Variants in MTPN observed in about 807,000 individuals in gnomAD.
The protein encoded by MTPN is granule cell differentiation protein.
In MTPN, 2 loss-of-function variants were observed where a neutral mutation model predicts 13.5. The ratio of observed to expected loss-of-function variants is 0.15; its 90% CI spans 0.06 to 0.47. The LOEUF (loss-of-function observed/expected upper bound fraction) is 0.47, where lower values mean the gene tolerates loss of function less well. MTPN is among the 20% of genes least tolerant of loss of function. The pLI is 0.97. For missense variants in MTPN, 79 were observed against 137.9 expected, an observed-to-expected ratio of 0.57 and a Z score of 2.14; for synonymous variants, 46 against 51.7, an observed-to-expected ratio of 0.89 and a Z score of 0.48.
chr7:135,965,593 C>T (rs1168034593), intron 1 of MTPN, among the ~76,000 whole-genome samples: 1 of 152,014 alleles, frequency 6.6e-6, no homozygotes, highest in African/African-American at 2.4e-5. Flanking sequence ...ATGCACAAAA[C>T]TATCTTTACT....
chr7:135,947,034 G>C (rs1029106695), intron 3 of MTPN, among the ~76,000 whole-genome samples: 4 of 152,084 alleles, frequency 2.6e-5, no homozygotes, highest in Non-Finnish European at 5.9e-5. Flanking sequence ...TCTGGATTTG[G>C]TGAAAATACC....
intron 1 of MTPN, among the ~76,000 whole-genome samples, chr7:135,963,888 C>T (rs1026959061): frequency 3.3e-5 from 5 of 151,796 alleles, no homozygotes; most frequent in African/African-American, 4.8e-5. Context: ...CATTTTTCTT[C>T]TTTGGAAGGT....
rs192545333 is a variant in MTPN, at chr7:135,953,864, A to G, written c.73-2234T>C. Among the ~76,000 whole-genome samples, 166 of 152,336 alleles carry G rather than the reference A, an allele frequency of 1.1e-3. 1 individual carries two copies. Among genetic ancestry groups the G allele is most frequent in the Non-Finnish European group, 1.7e-3 (119 of 68,020 alleles). ...GACTACTTCAATAATTCAAAGCAAT[A>G]ATTTCTAAATGATTGTTTACTTAAG... On this transcript the variant is annotated intron_variant, in intron 1 of 3. Coordinates refer to ENST00000393085, the MANE Select transcript of MTPN (RefSeq NM_145808.4).
chr7:135,954,045 C>T (rs1408940859), intron 1 of MTPN, among the ~76,000 whole-genome samples: 1 of 152,088 alleles, frequency 6.6e-6, no homozygotes, highest in African/African-American at 2.4e-5. Flanking sequence ...GTTAGCACTC[C>T]AACTCTACCA....
intron 1 of MTPN, among the ~76,000 whole-genome samples, chr7:135,956,118 C>T (rs554097266): frequency 1.7e-4 from 26 of 152,240 alleles, no homozygotes; most frequent in African/African-American, 5.5e-4. Flanking sequence ...ATCTGCAGAT[C>T]CCATGGTTAG....
At chr7:135,950,153 G>A (rs1346067295) in intron 3 of MTPN, among the ~76,000 whole-genome samples, 2 of 152,170 alleles carry the variant, frequency 1.3e-5, no homozygotes, top group Admixed American at 6.5e-5. Context: ...CAGATAACTT[G>A]GAGAGTCCTT....
intron 1 of MTPN, among the ~76,000 whole-genome samples, chr7:135,960,248 G>A (rs560079000): frequency 6.6e-4 from 100 of 152,230 alleles, no homozygotes; most frequent in Middle Eastern, 6.8e-3. Context: ...GGAGATGTAA[G>A]GGGTCTAATC....
intron 1 of MTPN, among the ~76,000 whole-genome samples, chr7:135,968,727 G>GA (rs35463488): frequency 3.1e-3 from 298 of 95,942 alleles, no homozygotes; most frequent in Middle Eastern, 0.013. Context: ...CAGCATTCCA[G>GA]AAAAAAAAAA....
At chr7:135,950,360 GT>G (rs1562932330) in intron 3 of MTPN, among the ~76,000 whole-genome samples, 1 of 152,152 alleles carries the variant, frequency 6.6e-6, no homozygotes, top group East Asian at 1.9e-4. Context: ...GTGTGTGTGT[GT>G]GTAAAATATT....
intron 1 of MTPN, 32 bp downstream of exon 1, chr7:135,976,997 T>A: frequency 6.7e-7 from 1 of 1,494,108 alleles, no homozygotes; most frequent in Non-Finnish European, 9.1e-7. Flanking sequence ...CCCACCTCCG[T>A]GTTCTCGCCT....
chr7:135,938,315 C>G (rs569177449), intron 3 of MTPN, among the ~76,000 whole-genome samples: 1 of 152,256 alleles, frequency 6.6e-6, no homozygotes, highest in South Asian at 2.1e-4. Flanking sequence ...GGAATATAAC[C>G]AATTACTTCA....
At chr7:135,940,556 T>C (rs1261416034) in intron 3 of MTPN, among the ~76,000 whole-genome samples, 1 of 152,190 alleles carries the variant, frequency 6.6e-6, no homozygotes, top group Non-Finnish European at 1.5e-5. Context: ...TCCCCTGAAG[T>C]GGACATTGTT....
intron 1 of MTPN, among the ~76,000 whole-genome samples, chr7:135,972,285 G>A (rs1055085006): frequency 6.6e-6 from 1 of 151,194 alleles, no homozygotes; most frequent in African/African-American, 2.4e-5. Flanking sequence ...GACAGTTCTG[G>A]GTTTAAAATC....
Position 135,930,217 on chromosome 7 carries a change from A to T in MTPN, c.271-205T>A, listed in dbSNP as rs3734978. Among the ~76,000 whole-genome samples the T allele has an allele frequency of 4.4e-4, 67 of 152,362 alleles. 1 individual carries two copies. In the East Asian group the frequency reaches 0.012, roughly 28 times the overall value. On this transcript the variant is annotated intron_variant, in intron 3 of 3. Transcript: ENST00000393085. ...ATGCCACATTATTTTTCAGGCACTAAGAATTGTAACCCAGGCAATCACTGG... is the reference window on the plus strand; with the variant it reads ...ATGCCACATTATTTTTCAGGCACTATGAATTGTAACCCAGGCAATCACTGG...
Position 135,977,133 on chromosome 7 carries a change from G to A in MTPN, c.-33C>T, listed in dbSNP as rs1417102686. The A allele has an allele frequency of 1.9e-6, 3 of 1,611,308 alleles. No individual in the cohort carries two copies. The highest frequency in any genetic ancestry group is 4.5e-5 in the East Asian group (2 of 44,866). ...GCGGGGCAGGCCGGTTGGCCGGGCA[G>A]AAGATGAGGAGGCGGTGGCAGCAGC... On this transcript the variant is annotated 5_prime_UTR_variant, in exon 1 of 4. Transcript: ENST00000393085.
At chr7:135,933,119 AAAAG>A (rs1471336200) in intron 3 of MTPN, among the ~76,000 whole-genome samples, 60 of 151,858 alleles carry the variant, frequency 4.0e-4, no homozygotes, top group African/African-American at 1.4e-3. Flanking sequence ...AAAAAAAAAA[AAAAG>A]ATGAACCAGT....
At chr7:135,943,121 T>G (rs1344457560) in intron 3 of MTPN, among the ~76,000 whole-genome samples, 1 of 152,218 alleles carries the variant, frequency 6.6e-6, no homozygotes, top group African/African-American at 2.4e-5. Flanking sequence ...AAAACTTTTT[T>G]GAAACCCAAC....
chr7:135,940,837 C>G (rs147993190), intron 3 of MTPN, among the ~76,000 whole-genome samples: 26 of 152,302 alleles, frequency 1.7e-4, no homozygotes, highest in African/African-American at 6.3e-4. Flanking sequence ...CTGTTGCACA[C>G]TCTGACACCA....
chr7:135,952,368 T>C (rs1215563007), intron 1 of MTPN, among the ~76,000 whole-genome samples: 1 of 152,188 alleles, frequency 6.6e-6, no homozygotes, highest in Non-Finnish European at 1.5e-5. Context: ...TTTCATTCAC[T>C]GAAGATTAAC....
Sources: gnomAD v4.1 joint callset for allele counts (sites outside exome capture counted in the v4.1 genomes callset) on GRCh38, gnomAD v4.1.1 for gene constraint, MANE v1.5 for transcripts, NCBI Gene and HGNC (gene_info 2026-07-23, HGNC 2026-07-21) for gene names.